The following GRIA4 variants were observed in gnomAD, a reference collection of about 807,000 sequenced individuals.
The protein encoded by GRIA4 is glutamate receptor 4.
In GRIA4, 34 loss-of-function variants were observed where a neutral mutation model predicts 104.0. The observed-to-expected ratio is 0.33, with a 90% confidence interval of 0.25 to 0.44. The LOEUF (loss-of-function observed/expected upper bound fraction) is 0.44. Ranked by LOEUF, GRIA4 falls within the 20% of genes least tolerant of loss-of-function variation. The probability of loss-of-function intolerance (pLI) is 1.00; values close to 1 mark genes in which losing one functional copy is unlikely to be tolerated. For synonymous variants in GRIA4, 386 were observed against 381.9 expected, an observed-to-expected ratio of 1.01 and a Z score of -0.13; for missense variants, 750 against 1,096.5, an observed-to-expected ratio of 0.68 and a Z score of 4.46.
At chr11:105,963,579 C>A (rs630885) in intron 14 of GRIA4, among the ~76,000 whole-genome samples, 152,084 of 152,288 alleles carry the variant, frequency 1, 75,940 homozygotes, top group Middle Eastern at 1. Context: ...TGGAAGGAAA[C>A]CATGTAGATT....
At chr11:105,880,971 C>T (rs894406488) in intron 5 of GRIA4, among the ~76,000 whole-genome samples, 1 of 152,126 alleles carries the variant, frequency 6.6e-6, no homozygotes, top group African/African-American at 2.4e-5. Context: ...TAGTTGATTT[C>T]CCCCAGAGGC....
chr11:105,729,467 C>A (rs563634150), intron 3 of GRIA4, among the ~76,000 whole-genome samples: 1 of 152,186 alleles, frequency 6.6e-6, no homozygotes, highest in East Asian at 1.9e-4. Context: ...CTATTCCAAA[C>A]AATAGAAAAA....
At chr11:105,836,578 A>C (rs1488088348) in intron 4 of GRIA4, among the ~76,000 whole-genome samples, 1 of 152,110 alleles carries the variant, frequency 6.6e-6, no homozygotes, top group Non-Finnish European at 1.5e-5. Context: ...ACCTCAGCAC[A>C]CTTGTAGATA....
At chr11:105,908,485 C>T (rs1174477201) in intron 9 of GRIA4, among the ~76,000 whole-genome samples, 1 of 151,988 alleles carries the variant, frequency 6.6e-6, no homozygotes, top group Non-Finnish European at 1.5e-5. Context: ...TAGGAACTGA[C>T]CCCTCATGTG....
intron 5 of GRIA4, among the ~76,000 whole-genome samples, chr11:105,866,034 T>A (rs530015761): frequency 6.6e-6 from 1 of 152,204 alleles, no homozygotes; most frequent in East Asian, 1.9e-4. Context: ...CATCTACCTC[T>A]TTCTTTGGTC....
intron 3 of GRIA4, among the ~76,000 whole-genome samples, chr11:105,622,611 C>T (rs1294284554): frequency 6.6e-6 from 1 of 151,742 alleles, no homozygotes; most frequent in African/African-American, 2.4e-5. Flanking sequence ...ATGCCTCTAC[C>T]TCCAAAGTAC....
intron 4 of GRIA4, among the ~76,000 whole-genome samples, chr11:105,811,930 T>C (rs1943187435): frequency 6.6e-6 from 1 of 152,176 alleles, no homozygotes; most frequent in Admixed American, 6.5e-5. Context: ...TTTGATCTGT[T>C]CCTACCCCTG....
At chr11:105,903,536 T>C (rs535309926) in intron 7 of GRIA4, among the ~76,000 whole-genome samples, 2 of 152,226 alleles carry the variant, frequency 1.3e-5, no homozygotes, top group African/African-American at 2.4e-5. Flanking sequence ...CCTAGGGGTC[T>C]TTCTTCTCCA....
intron 3 of GRIA4, among the ~76,000 whole-genome samples, chr11:105,621,519 C>T (rs1950744919): frequency 6.6e-6 from 1 of 151,470 alleles, no homozygotes; most frequent in Non-Finnish European, 1.5e-5. Flanking sequence ...TTCTGTTAAT[C>T]ATAAAAGGTA....
intron 3 of GRIA4, among the ~76,000 whole-genome samples, chr11:105,668,670 C>CT (rs1158226074): frequency 7.2e-5 from 5 of 69,668 alleles, no homozygotes; most frequent in South Asian, 1.3e-3. Flanking sequence ...CACTTATTAT[C>CT]TTTTGTCTTT....
chr11:105,911,179 T>A (rs1174312900), intron 10 of GRIA4, among the ~76,000 whole-genome samples: 1 of 152,110 alleles, frequency 6.6e-6, no homozygotes, highest in East Asian at 1.9e-4. Context: ...TATAGTTTAT[T>A]GAACTTCTAA....
intron 14 of GRIA4, 77 bp from the exon 15 acceptor site, chr11:105,971,837 T>A: frequency 5.4e-6 from 5 of 920,332 alleles, no homozygotes; most frequent in Non-Finnish European, 8.5e-6. Context: ...CACTTTGCCA[T>A]GCGATTCTAA....
chr11:105,903,806 T>C lies in GRIA4; in HGVS notation c.886-8T>C, dbSNP rs1368695967. ...CATTTACCATTATGTTCATTTTCATTTGGTTAGTACACCTCTGCTCTGACT... is the reference window on the plus strand; with the variant it reads ...CATTTACCATTATGTTCATTTTCATCTGGTTAGTACACCTCTGCTCTGACT... On this transcript the variant is annotated splice_region_variant and splice_polypyrimidine_tract_variant and intron_variant, in intron 7 of 16. Coordinates refer to ENST00000282499, the MANE Select transcript of GRIA4 (RefSeq NM_000829.4). 16 of 1,588,130 alleles carry C rather than the reference T, an allele frequency of 1.0e-5. No homozygotes were observed. The highest frequency in any genetic ancestry group is 1.4e-5 in the Non-Finnish European group (16 of 1,158,090).
At chr11:105,759,179 A>G (rs994410998) in intron 4 of GRIA4, among the ~76,000 whole-genome samples, 16 of 152,144 alleles carry the variant, frequency 1.1e-4, no homozygotes, top group African/African-American at 3.9e-4. Context: ...TTTTATTACC[A>G]TCATCATTAA....
chr11:105,649,075 C>G (rs1423051661), intron 3 of GRIA4, among the ~76,000 whole-genome samples: 4 of 151,966 alleles, frequency 2.6e-5, no homozygotes, highest in African/African-American at 9.7e-5. Flanking sequence ...TAAATAAGAC[C>G]AAAAAGTTCC....
At chr11:105,773,422 T>C (rs1323624254) in intron 4 of GRIA4, among the ~76,000 whole-genome samples, 2 of 152,286 alleles carry the variant, frequency 1.3e-5, no homozygotes. Context: ...TCATAATTAA[T>C]ATTTAAATCT....
intron 3 of GRIA4, among the ~76,000 whole-genome samples, chr11:105,670,811 C>T (rs1011810671): frequency 1.3e-5 from 2 of 152,112 alleles, no homozygotes; most frequent in Non-Finnish European, 2.9e-5. Context: ...AAATGTAGTG[C>T]TTAAAACAGC....
chr11:105,969,842 T>C (rs1362071353), intron 14 of GRIA4, among the ~76,000 whole-genome samples: 3 of 152,188 alleles, frequency 2.0e-5, no homozygotes, highest in Admixed American at 1.3e-4. Flanking sequence ...AGCTACTTTA[T>C]AGAGCACCTA....
chr11:105,647,315 G>GA (rs1182808567), intron 3 of GRIA4, among the ~76,000 whole-genome samples: 3 of 152,126 alleles, frequency 2.0e-5, no homozygotes, highest in African/African-American at 7.2e-5. Flanking sequence ...AGGTTGGGGA[G>GA]AAAACGGAAC....
Sources: allele counts gnomAD v4.1 joint callset (sites outside exome capture counted in the v4.1 genomes callset), GRCh38; gene constraint gnomAD v4.1.1; transcripts MANE v1.5; gene names NCBI Gene and HGNC (gene_info 2026-07-23, HGNC 2026-07-21).